The following LASP1 variants were observed in gnomAD, a reference collection of about 807,000 sequenced individuals.
The protein encoded by LASP1 is LIM and SH3 protein 1.
A neutral mutation model predicts 38.6 loss-of-function variants in LASP1; 10 were observed. The observed-to-expected ratio is 0.26, with a 90% CI of 0.16 to 0.44. The LOEUF (loss-of-function observed/expected upper bound fraction) is 0.44, where lower values mean the gene tolerates loss of function less well. Ranked by LOEUF, LASP1 falls within the 20% of genes least tolerant of loss-of-function variation. The pLI is 1.00. For synonymous variants in LASP1, 132 were observed against 140.8 expected (o/e 0.94, Z 0.44); for missense variants, 243 against 375.7 (o/e 0.65, Z 2.92).
Position 38,918,099 on chromosome 17 carries a change from C to A in LASP1, c.613-506C>A, listed in dbSNP as rs1915183670. 6.7e-6 allele frequency among the ~76,000 whole-genome samples: 1 copy of A among 149,922 alleles called. No individual in the cohort carries two copies. The highest frequency in any genetic ancestry group is 2.1e-4 in the South Asian group (1 of 4,752). ...ATGTTGCAGTGAGCCAAGATCACAC[C>A]ATTGCACTCCAGCTTGGGTGACAAA... On this transcript the variant is annotated intron_variant, in intron 6 of 6. Coordinates refer to ENST00000318008, the MANE Select transcript of LASP1 (RefSeq NM_006148.4). This position sits in a 1 kb window ranked among gnomAD's most constrained non-coding sequence, Gnocchi z 4.4.
intron 1 of LASP1, chr17:38,874,181 G>A (rs1366919639): frequency 6.6e-6 from 1 of 152,582 alleles, no homozygotes. Context: ...AGGGGCAGAG[G>A]TGCATGCCTC....
At chr17:38,870,315 G>A in intron 1 of LASP1, 57 bp downstream of exon 1, 3 of 1,589,034 alleles carry the variant, frequency 1.9e-6, no homozygotes, top group Non-Finnish European at 2.6e-6. Context: ...TCCGAATCCA[G>A]GGAGGAGAGA....
At chr17:38,895,622 T>C (rs1402723362) in intron 3 of LASP1, among the ~76,000 whole-genome samples, 1 of 152,174 alleles carries the variant, frequency 6.6e-6, no homozygotes, top group East Asian at 1.9e-4. Context: ...GGCATAATTT[T>C]TGTTTTTAAG....
chr17:38,912,104 C>T (rs192556724), intron 4 of LASP1, among the ~76,000 whole-genome samples: 109 of 152,270 alleles, frequency 7.2e-4, no homozygotes, highest in Middle Eastern at 3.4e-3. Context: ...TCACCACCCG[C>T]CTTTCTTGTG....
At chr17:38,892,477 A>G (rs1350095406) in intron 3 of LASP1, among the ~76,000 whole-genome samples, 1 of 151,936 alleles carries the variant, frequency 6.6e-6, no homozygotes, top group Non-Finnish European at 1.5e-5. Context: ...TGGAAGGGCC[A>G]TGGGGGCCAG....
intron 5 of LASP1, 125 bp downstream of exon 5, chr17:38,914,600 T>C: frequency 5.7e-6 from 7 of 1,227,156 alleles, no homozygotes; most frequent in Non-Finnish European, 7.7e-6. Flanking sequence ...CAGGCGATTA[T>C]GCCTCTTGTG....
chr17:38,898,559 C>T (rs990094884), intron 4 of LASP1, 40 bp downstream of exon 4: 1 of 1,426,126 alleles, frequency 7.0e-7, no homozygotes, highest in African/African-American at 1.4e-5. Context: ...CTGCTGCCCT[C>T]TGTTTGGTCC....
At chr17:38,882,867 A>G (rs950084145) in intron 2 of LASP1, among the ~76,000 whole-genome samples, 5 of 151,994 alleles carry the variant, frequency 3.3e-5, no homozygotes, top group African/African-American at 1.2e-4. Flanking sequence ...ACTTGGTTGC[A>G]CCTTTCCCCT....
chr17:38,905,388 T>C (rs6503736), intron 4 of LASP1, among the ~76,000 whole-genome samples: 100,106 of 151,586 alleles, frequency 0.66, 33,408 homozygotes, highest in Middle Eastern at 0.72. Context: ...ATTAGCCGGG[T>C]GTGGTGGCGC....
In LASP1 at chr17:38,892,692, G is replaced by A. The variant is rs149913124; in HGVS notation, c.249+2188G>A. Among the ~76,000 whole-genome samples, 498 of 152,336 alleles carry A rather than the reference G, an allele frequency of 3.3e-3. 4 individuals carry two copies. Among genetic ancestry groups the A allele is most frequent in the East Asian group, 0.012 (61 of 5,180 alleles). The stretch of plus-strand genomic sequence containing the variant: ...CGGCACCCTATCCCCGAGGGGTGGG[G>A]TTTGAGGAGGAAGCACCTCCACGTT... On this transcript the variant is annotated intron_variant, in intron 3 of 6. Transcript: ENST00000318008.
intron 4 of LASP1, among the ~76,000 whole-genome samples, chr17:38,911,487 ATGAAG>A (rs1914941031): frequency 6.6e-6 from 1 of 152,190 alleles, no homozygotes; most frequent in South Asian, 2.1e-4. Context: ...GCTGATATGC[ATGAAG>A]TGTATCAACT....
At chr17:38,905,672 G>C (rs1019315986) in intron 4 of LASP1, among the ~76,000 whole-genome samples, 1 of 152,040 alleles carries the variant, frequency 6.6e-6, no homozygotes, top group Non-Finnish European at 1.5e-5. Context: ...GTTCACTTTA[G>C]CATTTTGATC....
At chr17:38,874,924 CCTT>C (rs1224262161) in intron 1 of LASP1, among the ~76,000 whole-genome samples, 1 of 152,154 alleles carries the variant, frequency 6.6e-6, no homozygotes, top group Non-Finnish European at 1.5e-5. Context: ...ACCCCACCCT[CCTT>C]CTCCAAGGGG....
chr17:38,876,578 G>A (rs1913784019), intron 1 of LASP1, among the ~76,000 whole-genome samples: 1 of 151,904 alleles, frequency 6.6e-6, no homozygotes, highest in Non-Finnish European at 1.5e-5. Context: ...TGGCCAGGCT[G>A]GTCTTGAACT....
chr17:38,894,185 C>T (rs1914422845), intron 3 of LASP1, among the ~76,000 whole-genome samples: 1 of 152,162 alleles, frequency 6.6e-6, no homozygotes, highest in Non-Finnish European at 1.5e-5. Context: ...ATCCCACCCC[C>T]AGGCTGAGCA....
At position 38,921,286 on chromosome 17, in the gene LASP1, A is replaced by C. The variant is rs1195329595; in HGVS notation, c.*2508A>C. On this transcript the variant is annotated 3_prime_UTR_variant, in exon 7 of 7. Coordinates refer to ENST00000318008, the MANE Select transcript of LASP1 (RefSeq NM_006148.4). ...AAAGAGGCATCAAAGCTAGAATGTG[A>C]ATATAACTTTTGTGGACCAATACTA... The C allele has an allele frequency of 1.3e-5, 3 of 230,718 alleles. No homozygotes were observed. The highest frequency in any genetic ancestry group is 2.6e-5 in the Non-Finnish European group (3 of 116,222). 14.3% of individuals were successfully genotyped at this position (230,718 alleles called of 1,614,324 possible). A position where few individuals can be genotyped will look rare whatever the true frequency, so the allele number is the denominator to read the frequency against.
At chr17:38,883,804 G>T (rs1914022561) in intron 2 of LASP1, among the ~76,000 whole-genome samples, 1 of 140,734 alleles carries the variant, frequency 7.1e-6, no homozygotes, top group African/African-American at 2.6e-5. Context: ...TCTTCCTCAA[G>T]TCTAGCCTTG....
Position 38,921,448 on chromosome 17 carries a change from G to C in LASP1, c.*2670G>C, listed in dbSNP as rs1447808620. On this transcript the variant is annotated 3_prime_UTR_variant, in exon 7 of 7. Transcript: ENST00000318008. ...TTTCCCCCCTCACACATGCACTTTT[G>C]GGCCTTTTTTTATAGCTGGAAAAAA... 4.3e-6 allele frequency: 1 copy of C among 232,412 alleles called. No individual in the cohort carries two copies. Among genetic ancestry groups the C allele is most frequent in the African/African-American group, 2.2e-5 (1 of 45,328 alleles). 14.4% of individuals were successfully genotyped at this position (232,412 alleles called of 1,614,324 possible).
chr17:38,873,989 G>C (rs561170497), intron 1 of LASP1: 2 of 151,200 alleles, frequency 1.3e-5, no homozygotes, highest in Admixed American at 1.3e-4. Context: ...ATCCTTGCAG[G>C]CTTCTGCCCC....
Sources: gnomAD v4.1 joint callset for allele counts (sites outside exome capture counted in the v4.1 genomes callset) on GRCh38, gnomAD v4.1.1 for gene constraint, Gnocchi (gnomAD v3.1) non-coding constraint, MANE v1.5 for transcripts, NCBI Gene and HGNC (gene_info 2026-07-23, HGNC 2026-07-21) for gene names.